The following PCDH20 variants were observed in gnomAD, a reference collection of about 807,000 sequenced individuals.
PCDH20 encodes the protein protocadherin 20, also known as protocadherin-20.
PCDH20 carries 18 observed loss-of-function variants against 39.7 expected under a neutral mutation model. The ratio of observed to expected loss-of-function variants is 0.45; its 90% CI spans 0.31 to 0.67. PCDH20 has a LOEUF of 0.67. Ranked by LOEUF, PCDH20 falls within the 30% of genes least tolerant of loss-of-function variation. The probability of loss-of-function intolerance (pLI) is 0.05; values close to 1 mark genes in which losing one functional copy is unlikely to be tolerated. For synonymous variants in PCDH20, 495 were observed against 455.4 expected, an observed-to-expected ratio of 1.09 and a Z score of -1.11; for missense variants, 1,161 against 1,167.4, an observed-to-expected ratio of 0.99 and a Z score of 0.08.
chr13:61,410,779 A>G (rs537370006), exon 2 of PCDH20: 2 of 152,524 alleles, frequency 1.3e-5, no homozygotes, highest in African/African-American at 4.8e-5. Context: ...CTTTAATTTC[A>G]TATTTGTTTA....
chr13:61,412,509 A>T, exon 2 of PCDH20: 1 of 1,614,212 alleles, frequency 6.2e-7, no homozygotes, highest in African/African-American at 1.3e-5. Flanking sequence ...TTGGAGCATT[A>T]TCATTGTCAT....
chr13:61,409,789 A>G (rs1415889539), exon 2 of PCDH20: 1 of 152,094 alleles, frequency 6.6e-6, no homozygotes, highest in Non-Finnish European at 1.5e-5. Flanking sequence ...AAAAACAAAC[A>G]AATGACAGGC....
chr13:61,413,500 C>T (rs1566223343), exon 2 of PCDH20: 1 of 1,613,956 alleles, frequency 6.2e-7, no homozygotes, highest in Non-Finnish European at 8.5e-7. Flanking sequence ...ATTGATGTCT[C>T]TGATGGCGAT....
intron 1 of PCDH20, 52 bp downstream of exon 1, chr13:61,414,975 C>T: frequency 6.0e-6 from 8 of 1,334,738 alleles, no homozygotes; most frequent in Non-Finnish European, 6.8e-6. Flanking sequence ...GGAATTGCTT[C>T]ACAATACTGC....
exon 2 of PCDH20, chr13:61,411,166 A>G: frequency 7.9e-7 from 1 of 1,270,420 alleles, no homozygotes; most frequent in Non-Finnish European, 1.1e-6. Flanking sequence ...TGGAACTGCC[A>G]TCAACACACT....
At position 61,412,983 on chromosome 13, in the gene PCDH20, G is replaced by T. The variant is rs370824626; in HGVS notation, c.1116C>A (p.His372Gln). 16 of 1,614,038 alleles carry T rather than the reference G, an allele frequency of 9.9e-6. No individual in the cohort carries two copies. The South Asian group carries it at 1.8e-4, about 18-fold the overall frequency. The change falls in exon 2 of 2, where the codon CAC becomes CAA. Residue 372 changes from histidine (H) to glutamine (Q), a missense_variant. Around this residue, in one of 3 missense-constraint regions of PCDH20, gnomAD observed 754 missense variants for 777.5 expected, o/e 0.97. Transcript: ENST00000409204. ...TAATGACTCCAGTGTTTTCATCCAGGTGAAATAAATCCTTAGATGCTTGTG... is the reference window on the plus strand; with the variant it reads ...TAATGACTCCAGTGTTTTCATCCAGTTGAAATAAATCCTTAGATGCTTGTG...
chr13:61,413,961 C>G (rs373709129), exon 2 of PCDH20: 34 of 1,605,512 alleles, frequency 2.1e-5, no homozygotes, highest in African/African-American at 2.7e-5. Context: ...AAAACAGAAA[C>G]AGATGCTGGA....
Position 61,413,719 on chromosome 13 carries a change from C to T in PCDH20, c.380G>A (p.Ser127Asn), listed in dbSNP as rs760806862. The change falls in exon 2 of 2, where the codon AGT (serine) becomes AAT (asparagine). Residue 127 changes from serine to asparagine, a missense_variant. By Grantham distance (46) the Ser-to-Asn change is conservative. Around this residue, in one of 3 missense-constraint regions of PCDH20, gnomAD observed 401 missense variants for 368.7 expected, o/e 1.09. Transcript: ENST00000409204. The stretch of plus-strand genomic sequence containing the variant: ...GTTGTCTAGGGTCACGTACTGGCCA[C>T]TCAGTCCCCGGGAGGCCAGGCTGAA... 2.4e-5 allele frequency: 38 copies of T among 1,613,882 alleles called. No individual in the cohort carries two copies. Among genetic ancestry groups the T allele is most frequent in the African/African-American group, 1.3e-5 (1 of 74,904 alleles).
chr13:61,411,680 C>T (rs755876195), exon 2 of PCDH20: 9 of 1,613,994 alleles, frequency 5.6e-6, no homozygotes, highest in African/African-American at 1.3e-5. Context: ...AATGCCTCTT[C>T]CAAAGTAATG....
chr13:61,412,713 T>C, exon 2 of PCDH20: 1 of 1,614,186 alleles, frequency 6.2e-7, no homozygotes, highest in Non-Finnish European at 8.5e-7. Context: ...TAACCTTGTA[T>C]TTACCTTCTG....
At chr13:61,411,977 A>G (rs1322668642) in exon 2 of PCDH20, 16 of 1,614,066 alleles carry the variant, frequency 9.9e-6, no homozygotes, top group East Asian at 2.2e-5. Context: ...CACAAAGTAT[A>G]GGAGCTTTGC....
At position 61,411,789 on chromosome 13, in the gene PCDH20, G is replaced by A. The variant is rs1377692065; in HGVS notation, c.2310C>T (p.Val770=). The change falls in exon 2 of 2, where the codon GTC becomes GTT. Residue 770 remains valine, a synonymous_variant. Coordinates refer to ENST00000409204, the Ensembl canonical transcript of PCDH20. ...CAGCATTCATGCCTGTGTCTTTGTC[G>A]ACAGCATAGACTTCTGTAACCGGGG... The A allele has an allele frequency of 8.1e-6, 13 of 1,614,026 alleles. No homozygotes were observed. The African/African-American group carries it at 9.3e-5, about 12-fold the overall frequency.
exon 2 of PCDH20, chr13:61,412,931 C>A: frequency 2.5e-6 from 4 of 1,614,194 alleles, no homozygotes; most frequent in Non-Finnish European, 3.4e-6. Context: ...GACTCCAGAA[C>A]ACTTCCTCCA....
Position 61,412,823 on chromosome 13 carries a change from T to A in PCDH20, c.1276A>T (p.Ile426Phe), listed in dbSNP as rs763215570. ...TCGTTTGCTATGTAACGAGGGACAATTTCAGGGGGTCTGAAAATAACTTTA... is the reference window on the plus strand; with the variant it reads ...TCGTTTGCTATGTAACGAGGGACAAATTCAGGGGGTCTGAAAATAACTTTA... Residue 426 changes from isoleucine to phenylalanine, a missense_variant, in exon 2 of 2, where the codon ATT (isoleucine) becomes TTT (phenylalanine). Transcript: ENST00000409204. 21 of 1,613,916 alleles carry A rather than the reference T, an allele frequency of 1.3e-5. No individual in the cohort carries two copies. In the East Asian group the frequency reaches 4.7e-4, roughly 36 times the overall value.
chr13:61,410,570 T>A (rs1795310893), exon 2 of PCDH20: 1 of 152,476 alleles, frequency 6.6e-6, no homozygotes, highest in South Asian at 2.1e-4. Context: ...GCAATTCGAG[T>A]ACACAGAAAG....
At chr13:61,414,100 G>T in intron 1 of PCDH20, 134 bp from the exon 2 acceptor site, 1 of 786,636 alleles carries the variant, frequency 1.3e-6, no homozygotes. Flanking sequence ...TAGAACGGGG[G>T]CGGAGAAGAA....
exon 2 of PCDH20, chr13:61,411,853 A>C: frequency 6.2e-7 from 1 of 1,614,178 alleles, no homozygotes; most frequent in Admixed American, 1.7e-5. Context: ...CAGATAAGAC[A>C]TATTAGACTG....
At chr13:61,415,378 G>C in exon 1 of PCDH20, 1 of 463,914 alleles carries the variant, frequency 2.2e-6, no homozygotes, top group Non-Finnish European at 3.4e-6. Context: ...CAGAGGAGCT[G>C]GAATGGGGGA....
At chr13:61,413,618 C>T in exon 2 of PCDH20, 1 of 1,614,222 alleles carries the variant, frequency 6.2e-7, no homozygotes, top group Non-Finnish European at 8.5e-7. Flanking sequence ...CCGCTCCACG[C>T]AGTCCCTCCA....
Sources: gnomAD v4.1 joint callset for allele counts on GRCh38, gnomAD v4.1.1 for gene constraint, gnomAD v4.1.1 regional missense constraint, MANE v1.5 for transcripts, NCBI Gene and HGNC (gene_info 2026-07-23, HGNC 2026-07-21) for gene names.